Variants in ATP8A1 observed in about 807,000 individuals in gnomAD.
The protein encoded by ATP8A1 is phospholipid-transporting ATPase IA.
A neutral mutation model predicts 177.7 loss-of-function variants in ATP8A1; 90 were observed. That is an observed-to-expected ratio of 0.51 (90% confidence interval 0.43 to 0.60). The LOEUF is 0.60. Ranked by LOEUF, ATP8A1 falls within the 20% of genes least tolerant of loss-of-function variation. The pLI, the probability that ATP8A1 is intolerant of heterozygous loss-of-function variation, is 0.00. For missense variants in ATP8A1, 1,072 were observed against 1,392.8 expected, an observed-to-expected ratio of 0.77 and a Z score of 3.67; for synonymous variants, 493 against 485.9, an observed-to-expected ratio of 1.01 and a Z score of -0.19.
At chr4:42,442,700 T>A (rs1405491440) in intron 33 of ATP8A1, among the ~76,000 whole-genome samples, 2 of 152,156 alleles carry the variant, frequency 1.3e-5, no homozygotes, top group African/African-American at 4.8e-5. Flanking sequence ...AAATGATCTA[T>A]AAACCAGACT....
At position 42,411,768 on chromosome 4, in the gene ATP8A1, A is replaced by C. The variant is rs1443402318; in HGVS notation, c.*1148T>G. The stretch of plus-strand genomic sequence containing the variant: ...AATGTACTACCTATTTGTCCCAATA[A>C]GCAGCATGTGACGAATTTTGGGAAC... On this transcript the variant is annotated 3_prime_UTR_variant, in exon 37 of 37. Transcript: ENST00000381668. The C allele has an allele frequency of 1.3e-5, 2 of 152,204 alleles. No individual in the cohort carries two copies. Among genetic ancestry groups the C allele is most frequent in the East Asian group, 3.8e-4 (2 of 5,200 alleles). The allele number at this position is 152,204 out of a possible 1,614,324, so 9.4% of individuals were successfully genotyped here.
At chr4:42,427,498 G>A (rs55801909) in intron 33 of ATP8A1, among the ~76,000 whole-genome samples, 3,798 of 152,348 alleles carry the variant, frequency 0.025, 80 homozygotes, top group Non-Finnish European at 0.035. Context: ...AGTGAGAGGT[G>A]TATGGTGGAA....
intron 20 of ATP8A1, among the ~76,000 whole-genome samples, chr4:42,538,111 T>A (rs116354416): frequency 0.017 from 2,523 of 152,054 alleles, 69 homozygotes; most frequent in African/African-American, 0.057. Context: ...AGTAATAAAG[T>A]CAAATACTTA....
intron 33 of ATP8A1, among the ~76,000 whole-genome samples, chr4:42,442,931 CCTA>C (rs1469371983): frequency 2.0e-5 from 3 of 152,178 alleles, no homozygotes; most frequent in African/African-American, 7.2e-5. Flanking sequence ...CATAAACCCT[CCTA>C]CTGCTGGAAT....
At chr4:42,542,456 T>C (rs1222968053) in intron 20 of ATP8A1, among the ~76,000 whole-genome samples, 1 of 152,106 alleles carries the variant, frequency 6.6e-6, no homozygotes, top group African/African-American at 2.4e-5. Context: ...ATTTATTTAT[T>C]ATTATACTTT....
chr4:42,460,379 CTTTTTTTTTTTT>C (rs35296572), intron 27 of ATP8A1, among the ~76,000 whole-genome samples: 10 of 94,544 alleles, frequency 1.1e-4, no homozygotes, highest in East Asian at 3.9e-4. Context: ...ATGGATGGAT[CTTTTTTTTTTTT>C]TTTTTTTTTT....
At chr4:42,572,818 G>A (rs1190324616) in intron 14 of ATP8A1, among the ~76,000 whole-genome samples, 1 of 152,174 alleles carries the variant, frequency 6.6e-6, no homozygotes, top group African/African-American at 2.4e-5. Flanking sequence ...AAAGAGTAGG[G>A]AATATCTGAA....
chr4:42,418,734 ATACT>A (rs1440585381), intron 35 of ATP8A1, among the ~76,000 whole-genome samples: 1 of 152,210 alleles, frequency 6.6e-6, no homozygotes, highest in East Asian at 1.9e-4. Context: ...TATTTAGAAC[ATACT>A]TAGATTGATT....
At position 42,581,688 on chromosome 4, in the gene ATP8A1, T is replaced by C. The variant is rs1476598022; in HGVS notation, c.767A>G (p.Gln256Arg). The change falls in exon 10 of 37, where the codon CAG (glutamine) becomes CGG (arginine). Residue 256 changes from glutamine to arginine, a missense_variant. By Grantham distance (43) the Gln-to-Arg change is conservative (BLOSUM62 1). This residue lies in a region of ATP8A1 where 344 missense variants were observed against 393.5 expected (regional missense o/e 0.87). Transcript: ENST00000381668. ...GADQILLRGAQLRNTQWVHGI... is the reference protein window; with the variant it reads ...GADQILLRGARLRNTQWVHGI... ...ATGAACCCACTGTGTATTTCTCAAC[T>C]GAGCTCCTCGAAGAAGAATCTGATC... 1 of 1,614,180 alleles carries C rather than the reference T, an allele frequency of 6.2e-7. No homozygotes were observed. Among genetic ancestry groups the C allele is most frequent in the Non-Finnish European group, 8.5e-7 (1 of 1,180,006 alleles).
At chr4:42,538,986 C>A (rs1216813637) in intron 20 of ATP8A1, among the ~76,000 whole-genome samples, 5 of 152,010 alleles carry the variant, frequency 3.3e-5, no homozygotes, top group Admixed American at 3.3e-4. Flanking sequence ...TTTGCAATTG[C>A]AAAAATATGG....
intron 35 of ATP8A1, among the ~76,000 whole-genome samples, chr4:42,415,514 G>A (rs1713139461): frequency 6.6e-6 from 1 of 151,946 alleles, no homozygotes; most frequent in Non-Finnish European, 1.5e-5. Flanking sequence ...AATACGTGAA[G>A]TTGAGTAATA....
At chr4:42,605,433 T>TA (rs33919669) in intron 5 of ATP8A1, among the ~76,000 whole-genome samples, 1 of 151,822 alleles carries the variant, frequency 6.6e-6, no homozygotes, top group Non-Finnish European at 1.5e-5. Flanking sequence ...AGTTCACATG[T>TA]AAAAAATAGC....
At chr4:42,534,685 G>T (rs115398945) in intron 20 of ATP8A1, among the ~76,000 whole-genome samples, 1 of 152,200 alleles carries the variant, frequency 6.6e-6, no homozygotes, top group Non-Finnish European at 1.5e-5. Flanking sequence ...ATCACAAAAA[G>T]ATCATCACCT....
intron 20 of ATP8A1, among the ~76,000 whole-genome samples, chr4:42,540,602 A>G (rs930088660): frequency 6.6e-6 from 1 of 152,156 alleles, no homozygotes; most frequent in Non-Finnish European, 1.5e-5. Flanking sequence ...CTATTCAGCC[A>G]TAAAGAATAA....
chr4:42,578,506 C>T, intron 11 of ATP8A1, 119 bp from the exon 12 acceptor site: 6 of 1,101,574 alleles, frequency 5.4e-6, no homozygotes, highest in African/African-American at 3.2e-5. Flanking sequence ...TTGGGAGGAA[C>T]ACTTTGCTGA....
At chr4:42,601,518 G>A (rs1418926851) in intron 5 of ATP8A1, among the ~76,000 whole-genome samples, 2 of 150,574 alleles carry the variant, frequency 1.3e-5, no homozygotes, top group Non-Finnish European at 2.9e-5. Context: ...ATAACACTGA[G>A]TATGCTAATA....
At chr4:42,444,112 TCTCTA>T (rs1320706976) in intron 32 of ATP8A1, among the ~76,000 whole-genome samples, 3 of 152,120 alleles carry the variant, frequency 2.0e-5, no homozygotes, top group African/African-American at 7.2e-5. Flanking sequence ...GTTTCCGGGG[TCTCTA>T]CTGGACGGGG....
In ATP8A1 at chr4:42,497,948, T is replaced by C. The variant is rs994588196; in HGVS notation, c.2151+5502A>G. Among the ~76,000 whole-genome samples, 6 of 152,332 alleles carry C rather than the reference T, an allele frequency of 3.9e-5. No individual in the cohort carries two copies. In the South Asian group the frequency reaches 8.3e-4, roughly 21 times the overall value. ...TATAAAAAAATATCTTTGCTTCTGA[T>C]AGGGATACATTAACACCTTCAAAGT... is the stretch of plus-strand genomic sequence containing the variant. On this transcript the variant is annotated intron_variant, in intron 24 of 36. Coordinates refer to ENST00000381668, the MANE Select transcript of ATP8A1 (RefSeq NM_006095.2).
At chr4:42,475,937 G>C (rs1461042869) in intron 25 of ATP8A1, among the ~76,000 whole-genome samples, 4 of 152,084 alleles carry the variant, frequency 2.6e-5, no homozygotes, top group Non-Finnish European at 5.9e-5. Context: ...TACTCGGGAG[G>C]GTGAGGCAGG....
Sources: allele counts gnomAD v4.1 joint callset (sites outside exome capture counted in the v4.1 genomes callset), GRCh38; gene constraint gnomAD v4.1.1; regional missense constraint gnomAD v4.1.1; transcripts MANE v1.5; gene names NCBI Gene and HGNC (gene_info 2026-07-23, HGNC 2026-07-21).